Variants in ADNP observed in about 807,000 individuals in gnomAD.
The protein encoded by ADNP is activity-dependent neuroprotector homeobox protein.
Under a neutral mutation model 84.9 loss-of-function variants are expected in ADNP, and 4 were observed. The ratio of observed to expected loss-of-function variants is 0.05; its 90% CI spans 0.02 to 0.11. The LOEUF (loss-of-function observed/expected upper bound fraction) is 0.11. Among genes scored for constraint, ADNP ranks in the 10% least tolerant of loss-of-function variants. The probability of loss-of-function intolerance (pLI) is 1.00; values close to 1 mark genes in which losing one functional copy is unlikely to be tolerated. For synonymous variants in ADNP, 554 were observed against 468.1 expected (o/e 1.18, Z -2.37); for missense variants, 1,132 against 1,326.0 (o/e 0.85, Z 2.27).
chr20:50,910,362 T>C (rs1982912616), intron 2 of ADNP, among the ~76,000 whole-genome samples: 1 of 152,214 alleles, frequency 6.6e-6, no homozygotes, highest in Admixed American at 6.5e-5. Context: ...GGGTGCAATG[T>C]CTCACACCCA....
rs767780345 is a variant in ADNP, at chr20:50,893,352, C to T, written c.1362G>A (p.Glu454=). ...QKWKICTICN[E]LFPENVYSVH... ...CACTATAGACATTTTCAGGAAAAAG[C>T]TCATTACAGATTGTACATATTTTCC... Residue 454 remains glutamate (E), a synonymous_variant, in exon 6 of 6, where the codon GAG becomes GAA. Transcript: ENST00000621696. This position sits in a 1 kb window ranked among gnomAD's most constrained non-coding sequence, Gnocchi z 4.4. The T allele has an allele frequency of 2.5e-6, 4 of 1,614,186 alleles. No individual in the cohort carries two copies. The Admixed American group carries it at 6.7e-5, about 27-fold the overall frequency.
intron 2 of ADNP, among the ~76,000 whole-genome samples, chr20:50,928,171 T>C (rs1984410890): frequency 6.6e-6 from 1 of 152,222 alleles, no homozygotes. Flanking sequence ...ACTGGTTAAC[T>C]AGGTATCAAA....
intron 5 of ADNP, among the ~76,000 whole-genome samples, chr20:50,898,177 CCA>C (rs1981607172): frequency 6.6e-6 from 1 of 152,204 alleles, no homozygotes; most frequent in Non-Finnish European, 1.5e-5. Context: ...TGATTTTCCT[CCA>C]GACTCAGCTT....
At chr20:50,929,324 G>T (rs1291273792) in intron 1 of ADNP, among the ~76,000 whole-genome samples, 1 of 152,212 alleles carries the variant, frequency 6.6e-6, no homozygotes, top group Non-Finnish European at 1.5e-5. Flanking sequence ...ATGGACTGGG[G>T]GCCAACAGTT....
At chr20:50,907,237 C>A (rs1326966175) in intron 2 of ADNP, among the ~76,000 whole-genome samples, 3 of 150,898 alleles carry the variant, frequency 2.0e-5, no homozygotes, top group East Asian at 2.0e-4. Flanking sequence ...CTCAGCCTCC[C>A]AAAGTGCTGG....
intron 2 of ADNP, among the ~76,000 whole-genome samples, chr20:50,910,707 T>C (rs755603244): frequency 1.4e-4 from 22 of 152,132 alleles, no homozygotes; most frequent in Non-Finnish European, 2.5e-4. Flanking sequence ...CAGGCTGGAG[T>C]GCAGTGGTAT....
At chr20:50,925,201 G>A (rs1401325393) in intron 2 of ADNP, among the ~76,000 whole-genome samples, 1 of 151,906 alleles carries the variant, frequency 6.6e-6, no homozygotes, top group East Asian at 1.9e-4. Context: ...AAAAAAACGT[G>A]TGCCCTGCAA....
At chr20:50,904,586 T>G (rs1982299000) in intron 3 of ADNP, 180 bp downstream of exon 3, 1 of 152,298 alleles carries the variant, frequency 6.6e-6, no homozygotes, top group African/African-American at 2.4e-5. Flanking sequence ...TTCCCAGTTT[T>G]TAACAGGACA....
chr20:50,890,884 C>CT lies in ADNP; in HGVS notation c.*520dup, dbSNP rs1248071991. 6.1e-6 allele frequency: 6 copies of CT among 977,028 alleles called. No homozygotes were observed. The highest frequency in any genetic ancestry group is 7.3e-6 in the Non-Finnish European group (6 of 822,256). The allele number at this position is 977,028 out of a possible 1,614,324, so 60.5% of individuals were successfully genotyped here. Reference sequence around the variant, plus strand: ...CAAGGGCAACACTAAAAAAAGAAATCTATGATGGGCACACAGTAACAGGAT... The same window carrying CT: ...CAAGGGCAACACTAAAAAAAGAAATCTTATGATGGGCACACAGTAACAGGAT... On this transcript the variant is annotated 3_prime_UTR_variant, in exon 6 of 6. Coordinates refer to ENST00000621696, the MANE Select transcript of ADNP (RefSeq NM_001282531.3).
In ADNP at chr20:50,926,166, C is replaced by T. The variant is rs1462187520; in HGVS notation, c.-90+2485G>A. Among the ~76,000 whole-genome samples the T allele has an allele frequency of 2.0e-5, 3 of 152,326 alleles. No individual in the cohort carries two copies. The East Asian group carries it at 5.8e-4, about 29-fold the overall frequency. On this transcript the variant is annotated intron_variant, in intron 2 of 5. Coordinates refer to ENST00000621696, the MANE Select transcript of ADNP (RefSeq NM_001282531.3). ...CTTTAAGTTTATACGATGCTAATAA[C>T]AAGTCAAGCTCTGTGAATCCAACTA...
chr20:50,891,685 T>A lies in ADNP; in HGVS notation c.3029A>T (p.Lys1010Met). ...GGTAGCCTTTTTTTTGGCAGCTGGCTTACTGCTCCTTGCATCTTCGCTTTG... is the reference window on the plus strand; with the variant it reads ...GGTAGCCTTTTTTTTGGCAGCTGGCATACTGCTCCTTGCATCTTCGCTTTG... ...SSQSEDARSS[K>M]PAAKKKATMQ... Residue 1010 changes from lysine (K) to methionine (M), a missense_variant, in exon 6 of 6, where the codon AAG becomes ATG. Coordinates refer to ENST00000621696, the MANE Select transcript of ADNP (RefSeq NM_001282531.3). 1 of 1,614,242 alleles carries A rather than the reference T, an allele frequency of 6.2e-7. No homozygotes were observed. The highest frequency in any genetic ancestry group is 8.5e-7 in the Non-Finnish European group (1 of 1,180,044).
At chr20:50,924,618 A>T (rs1240625975) in intron 2 of ADNP, among the ~76,000 whole-genome samples, 2 of 152,220 alleles carry the variant, frequency 1.3e-5, no homozygotes, top group African/African-American at 4.8e-5. Context: ...AGTGCTTGGA[A>T]AATAAAACAG....
chr20:50,928,192 A>G (rs1984412666), intron 2 of ADNP, among the ~76,000 whole-genome samples: 1 of 152,180 alleles, frequency 6.6e-6, no homozygotes, highest in African/African-American at 2.4e-5. Flanking sequence ...GAATACACCC[A>G]TTCAGTTCTC....
Position 50,903,891 on chromosome 20 carries a change from C to G in ADNP, c.106G>C (p.Glu36Gln). 6.2e-7 allele frequency: 1 copy of G among 1,608,304 alleles called. No individual in the cohort carries two copies. Among genetic ancestry groups the G allele is most frequent in the Non-Finnish European group, 8.5e-7 (1 of 1,175,640 alleles). Residue 36 changes from glutamate to glutamine, a missense_variant and splice_region_variant, in exon 4 of 6, where the codon GAA (glutamate) becomes CAA (glutamine). Coordinates refer to ENST00000621696, the MANE Select transcript of ADNP (RefSeq NM_001282531.3). Reference sequence around the variant, plus strand: ...TTTAAAAATGACATGCTACTTACTTCTATATGTTCTTTACAGTATTCCAAC... The same window carrying G: ...TTTAAAAATGACATGCTACTTACTTGTATATGTTCTTTACAGTATTCCAAC... ...IGLEYCKEHI[E>Q]DFKQFEPNDF...
chr20:50,919,507 A>G (rs147106457), intron 2 of ADNP, among the ~76,000 whole-genome samples: 221 of 152,068 alleles, frequency 1.5e-3, no homozygotes, highest in Admixed American at 2.3e-3. Context: ...GACTAGAACA[A>G]AGCAGGCACT....
At chr20:50,917,302 G>A (rs1330807582) in intron 2 of ADNP, among the ~76,000 whole-genome samples, 1 of 152,200 alleles carries the variant, frequency 6.6e-6, no homozygotes, top group Non-Finnish European at 1.5e-5. Context: ...TTAAGAATCT[G>A]TACGTATCTC....
At chr20:50,921,652 G>A (rs941324596) in intron 2 of ADNP, among the ~76,000 whole-genome samples, 2 of 152,168 alleles carry the variant, frequency 1.3e-5, no homozygotes, top group Non-Finnish European at 2.9e-5. Flanking sequence ...TACACCAGTA[G>A]AACCAGTTGT....
chr20:50,911,820 TG>T (rs905182097), intron 2 of ADNP, among the ~76,000 whole-genome samples: 1 of 151,926 alleles, frequency 6.6e-6, no homozygotes, highest in African/African-American at 2.4e-5. Context: ...CAGCTACCTC[TG>T]AACAGGCACA....
chr20:50,903,080 T>C (rs973954398), intron 4 of ADNP, among the ~76,000 whole-genome samples: 2 of 152,216 alleles, frequency 1.3e-5, no homozygotes, highest in Non-Finnish European at 2.9e-5. Flanking sequence ...TGATCACCTA[T>C]TACGTGCAAA....
Sources: gnomAD v4.1 joint callset for allele counts (sites outside exome capture counted in the v4.1 genomes callset) on GRCh38, gnomAD v4.1.1 for gene constraint, Gnocchi (gnomAD v3.1) non-coding constraint, MANE v1.5 for transcripts, NCBI Gene and HGNC (gene_info 2026-07-23, HGNC 2026-07-21) for gene names.